GYG1: variants seen among roughly 807,000 people sequenced by gnomAD.
The protein encoded by GYG1 is glycogenin 1.
Under a neutral mutation model 41.9 loss-of-function variants are expected in GYG1, and 44 were observed. That is an observed-to-expected ratio of 1.05 (90% CI 0.83 to 1.35). The LOEUF is 1.35. Ranked by LOEUF, GYG1 falls within the 40% of genes most tolerant of loss-of-function variation. GYG1 has a pLI of 0.00. For missense variants in GYG1, 429 were observed against 418.9 expected, an observed-to-expected ratio of 1.02 and a Z score of -0.21; for synonymous variants, 141 against 158.1, an observed-to-expected ratio of 0.89 and a Z score of 0.81.
chr3:149,021,597 C>T (rs1714377329), intron 5 of GYG1, among the ~76,000 whole-genome samples: 1 of 152,162 alleles, frequency 6.6e-6, no homozygotes, highest in Non-Finnish European at 1.5e-5. Context: ...ATCTCTGCCA[C>T]TTAGTTGTGT....
At chr3:149,020,594 T>TA (rs1371878748) in intron 5 of GYG1, among the ~76,000 whole-genome samples, 2 of 152,236 alleles carry the variant, frequency 1.3e-5, no homozygotes, top group Non-Finnish European at 2.9e-5. Context: ...TATGAATACT[T>TA]TATATTCTTA....
chr3:148,994,350 C>T lies in GYG1; in HGVS notation c.143+73C>T, dbSNP rs1712669154. 7 of 1,458,822 alleles carry T rather than the reference C, an allele frequency of 4.8e-6. No homozygotes were observed. In the East Asian group the frequency reaches 1.6e-4, roughly 33 times the overall value. The allele number at this position is 1,458,822 out of a possible 1,614,324, so 90.4% of individuals were successfully genotyped here. On this transcript the variant is annotated intron_variant, in intron 2 of 7. Coordinates refer to ENST00000345003, the MANE Select transcript of GYG1 (RefSeq NM_004130.4). ...TCTCCCTGTTGCTGACATCATTGGA[C>T]ATTGAGGCCATGCTCTTTTCAGGAA... is the stretch of plus-strand genomic sequence containing the variant.
chr3:149,007,411 G>T (rs1231003478), intron 4 of GYG1, among the ~76,000 whole-genome samples: 1 of 152,172 alleles, frequency 6.6e-6, no homozygotes, highest in East Asian at 1.9e-4. Context: ...ATTTTCTGTT[G>T]TTCGTCCTTT....
At chr3:149,024,900 G>T (rs141927015) in intron 6 of GYG1, among the ~76,000 whole-genome samples, 298 of 152,242 alleles carry the variant, frequency 2.0e-3, no homozygotes, top group African/African-American at 7.0e-3. Flanking sequence ...AGAGGATGAG[G>T]AACGAAACTG....
intron 5 of GYG1, among the ~76,000 whole-genome samples, chr3:149,018,917 A>G (rs925335672): frequency 1.3e-5 from 2 of 151,966 alleles, no homozygotes; most frequent in African/African-American, 4.8e-5. Flanking sequence ...TAAAAATACG[A>G]AAACTAGCCA....
intron 5 of GYG1, among the ~76,000 whole-genome samples, chr3:149,023,601 A>G (rs1714484934): frequency 1.3e-5 from 2 of 152,220 alleles, no homozygotes; most frequent in Non-Finnish European, 2.9e-5. Flanking sequence ...CCGATGCTAC[A>G]TTTACATTTT....
chr3:149,012,216 C>T (rs771420057), intron 5 of GYG1, among the ~76,000 whole-genome samples: 7 of 151,312 alleles, frequency 4.6e-5, no homozygotes, highest in African/African-American at 7.3e-5. Flanking sequence ...ACAAGCATTT[C>T]GGTCATCATT....
At chr3:148,997,815 G>A (rs962953664) in intron 4 of GYG1, among the ~76,000 whole-genome samples, 1 of 152,364 alleles carries the variant, frequency 6.6e-6, no homozygotes, top group South Asian at 2.1e-4. Context: ...GCACAGTGCT[G>A]TGTGCTATTC....
chr3:148,993,076 A>G (rs777906687), intron 1 of GYG1, among the ~76,000 whole-genome samples: 6 of 151,926 alleles, frequency 3.9e-5, no homozygotes, highest in Non-Finnish European at 7.4e-5. Flanking sequence ...ACTGACTCCT[A>G]CCAGAACTTG....
At chr3:149,026,528 T>C in intron 7 of GYG1, 26 bp downstream of exon 7, 1 of 1,484,866 alleles carries the variant, frequency 6.7e-7, no homozygotes, top group Non-Finnish European at 9.4e-7. Flanking sequence ...AGATTAACCC[T>C]AATTACTTTG....
intron 5 of GYG1, among the ~76,000 whole-genome samples, chr3:149,016,580 T>C (rs185590536): frequency 1.2e-3 from 178 of 152,268 alleles, no homozygotes; most frequent in African/African-American, 4.1e-3. Flanking sequence ...ATTGTTCTGA[T>C]TTCCAGGGTA....
Position 149,027,387 on chromosome 3 carries a change from C to T in GYG1, c.*454C>T, listed in dbSNP as rs1714716660. 2 of 187,652 alleles carry T rather than the reference C, an allele frequency of 1.1e-5. No individual in the cohort carries two copies. Among genetic ancestry groups the T allele is most frequent in the South Asian group, 2.2e-4 (2 of 9,140 alleles). 11.6% of individuals were successfully genotyped at this position (187,652 alleles called of 1,614,324 possible). A position where few individuals can be genotyped will look rare whatever the true frequency, so the allele number is the denominator to read the frequency against. Reference sequence around the variant, plus strand: ...GCTGCCAGAGTGAGTGAGTGTAATTCTCCTTTCAGGTAAAGATAGGCTATC... The same window carrying T: ...GCTGCCAGAGTGAGTGAGTGTAATTTTCCTTTCAGGTAAAGATAGGCTATC... On this transcript the variant is annotated 3_prime_UTR_variant, in exon 8 of 8. Transcript: ENST00000345003.
chr3:149,006,067 C>G lies in GYG1; in HGVS notation c.482-3209C>G, dbSNP rs574350883. ...TGCAGAGTAGTTCCATCACAAGGAC[C>G]CTTCATCATATTCTTTTTTTTTTTT... On this transcript the variant is annotated intron_variant, in intron 4 of 7. Transcript: ENST00000345003. 5.3e-5 allele frequency among the ~76,000 whole-genome samples: 8 copies of G among 150,450 alleles called. 1 individual carries two copies. The South Asian group carries it at 8.4e-4, about 16-fold the overall frequency.
At chr3:148,997,139 T>C (rs2107888273) in intron 4 of GYG1, among the ~76,000 whole-genome samples, 1 of 152,202 alleles carries the variant, frequency 6.6e-6, no homozygotes, top group African/African-American at 2.4e-5. Flanking sequence ...ATAGGCAATT[T>C]TATAGGATTG....
intron 4 of GYG1, among the ~76,000 whole-genome samples, chr3:149,000,736 C>T (rs893448719): frequency 4.6e-5 from 7 of 152,188 alleles, no homozygotes; most frequent in Non-Finnish European, 1.0e-4. Context: ...ATCTTATACT[C>T]ATTTTGATTA....
chr3:149,026,841 C>G lies in GYG1; in HGVS notation c.961C>G (p.Arg321Gly). Residue 321 changes from arginine to glycine, a missense_variant, in exon 8 of 8, where the codon CGG becomes GGG. Coordinates refer to ENST00000345003, the MANE Select transcript of GYG1 (RefSeq NM_004130.4). ...MAQPFVSSEE[R>G]KERWEQGQAD... The stretch of plus-strand genomic sequence containing the variant: ...ACAGCCGTTTGTATCCTCGGAAGAA[C>G]GGAAGGAACGATGGGAACAGGGCCA... 1 of 1,613,878 alleles carries G rather than the reference C, an allele frequency of 6.2e-7. No individual in the cohort carries two copies. The highest frequency in any genetic ancestry group is 8.5e-7 in the Non-Finnish European group (1 of 1,179,844).
At chr3:149,017,581 G>GTTTTTT (rs1559842358) in intron 5 of GYG1, among the ~76,000 whole-genome samples, 4 of 73,466 alleles carry the variant, frequency 5.4e-5, no homozygotes, top group African/African-American at 2.0e-4. Flanking sequence ...CTTTTATTTA[G>GTTTTTT]GTTTTTTTTT....
intron 4 of GYG1, among the ~76,000 whole-genome samples, chr3:149,001,885 T>C (rs887587033): frequency 7.2e-5 from 11 of 152,214 alleles, no homozygotes; most frequent in Admixed American, 4.6e-4. Context: ...CCCTATTACC[T>C]TGGCTTTATG....
chr3:149,027,053 C>A lies in GYG1; in HGVS notation c.*120C>A. The A allele has an allele frequency of 9.4e-7, 1 of 1,061,000 alleles. No homozygotes were observed. Among genetic ancestry groups the A allele is most frequent in the Non-Finnish European group, 1.4e-6 (1 of 697,882 alleles). The allele number at this position is 1,061,000 out of a possible 1,614,324, so 65.7% of individuals were successfully genotyped here. A position where few individuals can be genotyped will look rare whatever the true frequency, so the allele number is the denominator to read the frequency against. Reference sequence around the variant, plus strand: ...GCTAGAGGTTTTCATTAAAACTTATCAGATGAGAGGCTTTTTTAGGATAAG... The same window carrying A: ...GCTAGAGGTTTTCATTAAAACTTATAAGATGAGAGGCTTTTTTAGGATAAG... On this transcript the variant is annotated 3_prime_UTR_variant, in exon 8 of 8. Transcript: ENST00000345003.
Sources: gnomAD v4.1 joint callset for allele counts (sites outside exome capture counted in the v4.1 genomes callset) on GRCh38, gnomAD v4.1.1 for gene constraint, MANE v1.5 for transcripts, NCBI Gene and HGNC (gene_info 2026-07-23, HGNC 2026-07-21) for gene names.